PLEKHH1: variants seen among roughly 807,000 people sequenced by gnomAD.
PLEKHH1 encodes pleckstrin homology, MyTH4 and FERM domain containing H1.
In PLEKHH1, 104 loss-of-function variants were observed where a neutral mutation model predicts 160.0. That is an observed-to-expected ratio of 0.65 (90% confidence interval 0.55 to 0.76). PLEKHH1 has a LOEUF of 0.76. PLEKHH1 is among the 30% of genes least tolerant of loss of function. The pLI is 0.00. For synonymous variants in PLEKHH1, 619 were observed against 678.4 expected (o/e 0.91, Z 1.36); for missense variants, 1,427 against 1,724.1 (o/e 0.83, Z 3.05).
intron 7 of PLEKHH1, among the ~76,000 whole-genome samples, chr14:67,568,121 GA>G (rs555303762): frequency 9.9e-4 from 150 of 152,186 alleles, no homozygotes; most frequent in Admixed American, 2.0e-3. Flanking sequence ...TCCTGCAGGG[GA>G]AAAAACGTGC....
intron 23 of PLEKHH1, 113 bp from the exon 24 acceptor site, chr14:67,581,956 A>G: frequency 9.6e-7 from 1 of 1,039,516 alleles, no homozygotes; most frequent in Non-Finnish European, 1.4e-6. Flanking sequence ...GCTCATAAAT[A>G]GTGGGAAAAG....
Position 67,555,823 on chromosome 14 carries a change from A to G in PLEKHH1, c.127-2A>G. On this transcript the variant is annotated splice_acceptor_variant, in intron 2 of 28. Transcript: ENST00000329153. LOFTEE classifies it high-confidence loss of function. ...ATCTCCCCTTTCTCTCTGGCCAAGC[A>G]GATGCAGGAGCTGGAGCAGAGGCTG... The G allele has an allele frequency of 6.2e-7, 1 of 1,613,316 alleles. No homozygotes were observed. The highest frequency in any genetic ancestry group is 8.5e-7 in the Non-Finnish European group (1 of 1,179,572).
intron 5 of PLEKHH1, 49 bp downstream of exon 5, chr14:67,559,740 T>C: frequency 7.9e-7 from 1 of 1,273,828 alleles, no homozygotes; most frequent in South Asian, 1.3e-5. Flanking sequence ...TGGCTGGGCC[T>C]GCCCTGACCC....
At position 67,575,768 on chromosome 14, in the gene PLEKHH1, GA is replaced by G. The variant is rs1206187944; in HGVS notation, c.2170-54del. The G allele has an allele frequency of 4.5e-6, 6 of 1,327,342 alleles. No individual in the cohort carries two copies. In the African/African-American group the frequency reaches 8.6e-5, roughly 19 times the overall value. The allele number at this position is 1,327,342 out of a possible 1,614,324, so 82.2% of individuals were successfully genotyped here. A position where few individuals can be genotyped will look rare whatever the true frequency, so the allele number is the denominator to read the frequency against. ...ACGGAGCCTATGTATTCAGAGAGAG[GA>G]GACTCCCTCATCCCCCACTGGCTCT... is the stretch of plus-strand genomic sequence containing the variant. On this transcript the variant is annotated intron_variant, in intron 15 of 28. Transcript: ENST00000329153.
At chr14:67,556,702 A>G (rs943586267) in intron 3 of PLEKHH1, among the ~76,000 whole-genome samples, 4 of 152,248 alleles carry the variant, frequency 2.6e-5, no homozygotes, top group Non-Finnish European at 4.4e-5. Context: ...AGCCTGGGCA[A>G]TATAGCAAGA....
intron 7 of PLEKHH1, 101 bp downstream of exon 7, chr14:67,562,995 C>A: frequency 8.0e-7 from 1 of 1,248,576 alleles, no homozygotes; most frequent in Non-Finnish European, 1.1e-6. Context: ...AGGCTGCTGG[C>A]ATCCTCATGG....
chr14:67,580,080 A>C, intron 22 of PLEKHH1: 1 of 556,176 alleles, frequency 1.8e-6, no homozygotes, highest in Non-Finnish European at 3.2e-6. Context: ...TTGTCTCTGG[A>C]GACAAGATCG....
chr14:67,562,118 G>GT lies in PLEKHH1; in HGVS notation c.506-14dup. 6.2e-7 allele frequency: 1 copy of GT among 1,611,336 alleles called. No individual in the cohort carries two copies. On this transcript the variant is annotated intron_variant, in intron 6 of 28. Coordinates refer to ENST00000329153, the MANE Select transcript of PLEKHH1 (RefSeq NM_020715.3). Reference sequence around the variant, plus strand: ...AGCTACGGGAGCTCTCAATGTGACTGTTTTTACCCGAATCACAGCTATTCA... The same window carrying GT: ...AGCTACGGGAGCTCTCAATGTGACTGTTTTTTACCCGAATCACAGCTATTCA...
Position 67,580,907 on chromosome 14 carries a change from T to C in PLEKHH1, c.3184-31T>C, listed in dbSNP as rs764628007. 6.2e-6 allele frequency: 9 copies of C among 1,444,338 alleles called. No individual in the cohort carries two copies. In the East Asian group the frequency reaches 6.8e-5, roughly 11 times the overall value. The allele number at this position is 1,444,338 out of a possible 1,614,324, so 89.5% of individuals were successfully genotyped here. ...GATCCCTTCTCTCCTTATCAGGAAA[T>C]TTTCTGACTTTCTTCTTTTGCCTTT... On this transcript the variant is annotated intron_variant, in intron 22 of 28. Transcript: ENST00000329153.
intron 23 of PLEKHH1, 95 bp downstream of exon 23, chr14:67,581,133 G>A (rs568088403): frequency 2.6e-6 from 2 of 779,890 alleles, no homozygotes; most frequent in South Asian, 1.5e-5. Flanking sequence ...TCCAGACGGG[G>A]GGAGGGACCC....
At chr14:67,557,841 T>C (rs980306832) in intron 4 of PLEKHH1, among the ~76,000 whole-genome samples, 1 of 152,252 alleles carries the variant, frequency 6.6e-6, no homozygotes, top group African/African-American at 2.4e-5. Context: ...GAACTTTTCT[T>C]TCTCCATTCT....
chr14:67,576,964 CTTGT>C lies in PLEKHH1; in HGVS notation c.2462-331_2462-328del, dbSNP rs766269497. ...ACACCCCTTTACTACTGCTCTGAGGCTTGTTTGTTTCTGACCAATTCATATGCCC... is the reference window on the plus strand; with the variant it reads ...ACACCCCTTTACTACTGCTCTGAGGCTTGTTTCTGACCAATTCATATGCCC... On this transcript the variant is annotated intron_variant, in intron 17 of 28. Coordinates refer to ENST00000329153, the MANE Select transcript of PLEKHH1 (RefSeq NM_020715.3). The surrounding 1 kb of genome is among the most constrained non-coding windows in gnomAD (Gnocchi z 4.0). Among the ~76,000 whole-genome samples, 5 of 152,120 alleles carry C rather than the reference CTTGT, an allele frequency of 3.3e-5. No individual in the cohort carries two copies. The highest frequency in any genetic ancestry group is 4.2e-4 in the South Asian group (2 of 4,810).
Position 67,587,055 on chromosome 14 carries a change from A to G in PLEKHH1, c.3934-19A>G. 1 of 1,569,134 alleles carries G rather than the reference A, an allele frequency of 6.4e-7. No individual in the cohort carries two copies. The highest frequency in any genetic ancestry group is 8.7e-7 in the Non-Finnish European group (1 of 1,153,710). On this transcript the variant is annotated intron_variant, in intron 28 of 28. Transcript: ENST00000329153. ...GCCAAGGCTAGTTCAATTCCTTCAC[A>G]TCTCTGACCTCCTCTTAGATTGCAG...
chr14:67,566,762 A>AG (rs2035114301), intron 7 of PLEKHH1, among the ~76,000 whole-genome samples: 1 of 151,804 alleles, frequency 6.6e-6, no homozygotes. Flanking sequence ...AAAAAAAAAA[A>AG]AAAGAGTGGG....
chr14:67,565,584 G>A (rs1031532969), intron 7 of PLEKHH1, among the ~76,000 whole-genome samples: 9 of 152,162 alleles, frequency 5.9e-5, no homozygotes, highest in Admixed American at 3.3e-4. Flanking sequence ...CATTCCAGCT[G>A]TACTTCCTCT....
chr14:67,577,997 C>G, intron 18 of PLEKHH1, 26 bp from the exon 19 acceptor site: 1 of 1,604,906 alleles, frequency 6.2e-7, no homozygotes, highest in Non-Finnish European at 8.5e-7. Flanking sequence ...GCTGGTCTGC[C>G]TGTGCTCACT....
In PLEKHH1 at chr14:67,573,296, C is replaced by A; in HGVS notation, c.1749C>A (p.Gly583=). ...GLGGESLEKS[G]YLLKMGSQVK... is the part of the protein sequence containing the mutation. ...CTCAGGAGTCACTGGAGAAGTCGGG[C>A]TACCTGCTGAAAATGGGGAGCCAGG... The change falls in exon 12 of 29, where the codon GGC becomes GGA. Residue 583 remains glycine (G), a synonymous_variant. Transcript: ENST00000329153. This position sits in a 1 kb window ranked among gnomAD's most constrained non-coding sequence, Gnocchi z 4.8. 3 of 1,612,802 alleles carry A rather than the reference C, an allele frequency of 1.9e-6. No homozygotes were observed. Among genetic ancestry groups the A allele is most frequent in the Non-Finnish European group, 2.5e-6 (3 of 1,179,058 alleles).
At position 67,576,449 on chromosome 14, in the gene PLEKHH1, GGCACTGCCTATGA is replaced by G; in HGVS notation, c.2411_2423del (p.Thr804SerfsTer6). 1 of 1,611,034 alleles carries G rather than the reference GGCACTGCCTATGA, an allele frequency of 6.2e-7. No individual in the cohort carries two copies. The highest frequency in any genetic ancestry group is 8.5e-7 in the Non-Finnish European group (1 of 1,177,230). ...TGCAGGTGGCAGCAGTGCCAAGGTGGGCACTGCCTATGAGCAGCTCATTGGAAAACTGATGGAT... is the reference window on the plus strand; with the variant it reads ...TGCAGGTGGCAGCAGTGCCAAGGTGGGCAGCTCATTGGAAAACTGATGGAT... On this transcript the variant is annotated frameshift_variant, in exon 17 of 29. Transcript: ENST00000329153. LOFTEE classifies it high-confidence loss of function. The surrounding 1 kb of genome is among the most constrained non-coding windows in gnomAD (Gnocchi z 4.0).
At position 67,569,268 on chromosome 14, in the gene PLEKHH1, G is replaced by A. The variant is rs376774375; in HGVS notation, c.1342+52G>A. The A allele has an allele frequency of 6.0e-6, 8 of 1,329,438 alleles. No homozygotes were observed. The Admixed American group carries it at 6.8e-5, about 11-fold the overall frequency. The allele number at this position is 1,329,438 out of a possible 1,614,324, so 82.4% of individuals were successfully genotyped here. ...ACCAAACACCCAAGGTGGGCAGGGT[G>A]GGCAAGCGGGGAGGAGAAGACTCCA... is the stretch of plus-strand genomic sequence containing the variant. On this transcript the variant is annotated intron_variant, in intron 8 of 28. Transcript: ENST00000329153.
Sources: gnomAD v4.1 joint callset for allele counts (sites outside exome capture counted in the v4.1 genomes callset) on GRCh38, gnomAD v4.1.1 for gene constraint, Gnocchi (gnomAD v3.1) non-coding constraint, MANE v1.5 for transcripts, NCBI Gene and HGNC (gene_info 2026-07-23, HGNC 2026-07-21) for gene names.